YBX3: variants seen among roughly 807,000 people sequenced by gnomAD.
YBX3 encodes Y-box-binding protein 3.
A neutral mutation model predicts 42.4 loss-of-function variants in YBX3; 29 were observed. The ratio of observed to expected loss-of-function variants is 0.68; its 90% CI spans 0.51 to 0.93. The LOEUF (loss-of-function observed/expected upper bound fraction) is 0.93, where lower values mean the gene tolerates loss of function less well. Ranked by LOEUF, YBX3 falls within the 40% of genes least tolerant of loss-of-function variation. YBX3 has a pLI of 0.00. For synonymous variants in YBX3, 195 were observed against 189.8 expected, an observed-to-expected ratio of 1.03 and a Z score of -0.22; for missense variants, 517 against 527.5, an observed-to-expected ratio of 0.98 and a Z score of 0.19.
chr12:10,721,503 AAAC>A (rs1434736108), intron 1 of YBX3, among the ~76,000 whole-genome samples: 2 of 152,220 alleles, frequency 1.3e-5, no homozygotes, highest in African/African-American at 2.4e-5. Context: ...TATTTGCTAG[AAAC>A]AACATCACAA....
At chr12:10,700,471 AC>A (rs1363209335) in intron 9 of YBX3, among the ~76,000 whole-genome samples, 3 of 152,210 alleles carry the variant, frequency 2.0e-5, no homozygotes, top group Non-Finnish European at 2.9e-5. Context: ...TTAAAAAAAA[AC>A]AAACCCAGAA....
chr12:10,712,997 T>C (rs977690027), intron 5 of YBX3: 6 of 567,590 alleles, frequency 1.1e-5, no homozygotes, highest in Admixed American at 3.8e-5. Flanking sequence ...CTTATTCATG[T>C]AACTAATCAC....
intron 3 of YBX3, among the ~76,000 whole-genome samples, chr12:10,717,360 A>T (rs1948274323): frequency 6.6e-6 from 1 of 152,248 alleles, no homozygotes; most frequent in Non-Finnish European, 1.5e-5. Flanking sequence ...CAATTCACTG[A>T]AAACTAAATA....
chr12:10,719,184 A>G, intron 1 of YBX3, 41 bp from the exon 2 acceptor site: 1 of 1,506,424 alleles, frequency 6.6e-7, no homozygotes, highest in South Asian at 1.1e-5. Context: ...TCTGACCTAC[A>G]GAGAGATATA....
intron 3 of YBX3, among the ~76,000 whole-genome samples, chr12:10,717,137 A>C (rs989041096): frequency 2.0e-5 from 3 of 152,236 alleles, no homozygotes; most frequent in Non-Finnish European, 4.4e-5. Context: ...ATATCCAGTC[A>C]AGTAGAAATA....
At chr12:10,722,807 C>T in intron 1 of YBX3, 43 bp downstream of exon 1, 1 of 1,392,446 alleles carries the variant, frequency 7.2e-7, no homozygotes, top group African/African-American at 1.5e-5. Context: ...CCGGCTGGGC[C>T]CGCCCCACTA....
At position 10,702,060 on chromosome 12, in the gene YBX3, C is replaced by T. The variant is rs1948087169; in HGVS notation, c.953G>A (p.Ser318Asn). 6.2e-7 allele frequency: 1 copy of T among 1,614,214 alleles called. No individual in the cohort carries two copies. The highest frequency in any genetic ancestry group is 2.2e-5 in the East Asian group (1 of 44,878). ...GCGAACAGACGGCTGGTTTGGACCA[C>T]TGGTGGCTTGCTGATTTTCTTTATC... ...AEDKENQQATSGPNQPSVRRG... is the reference protein window; with the variant it reads ...AEDKENQQATNGPNQPSVRRG... The change falls in exon 8 of 10, where the codon AGT (serine) becomes AAT (asparagine). Residue 318 changes from serine to asparagine, a missense_variant. By Grantham distance (46) the Ser-to-Asn change is conservative. Transcript: ENST00000228251.
At chr12:10,715,871 G>A in intron 3 of YBX3, 88 bp from the exon 4 acceptor site, 1 of 1,112,480 alleles carries the variant, frequency 9.0e-7, no homozygotes, top group Non-Finnish European at 1.3e-6. Context: ...GAGTGAACTT[G>A]AAGAAACTGT....
At chr12:10,707,047 T>TA (rs1406315028) in intron 6 of YBX3, among the ~76,000 whole-genome samples, 10 of 151,798 alleles carry the variant, frequency 6.6e-5, no homozygotes, top group Non-Finnish European at 1.0e-4. Context: ...AATAAATAAA[T>TA]AATTCCAAAT....
At chr12:10,712,297 G>C (rs1354353490) in intron 5 of YBX3, 1 of 152,188 alleles carries the variant, frequency 6.6e-6, no homozygotes, top group African/African-American at 2.4e-5. Flanking sequence ...CACCAAGAAT[G>C]ATTCAAATCT....
chr12:10,700,088 C>T lies in YBX3; in HGVS notation c.*35-434G>A, dbSNP rs150944754. Among the ~76,000 whole-genome samples the T allele has an allele frequency of 5.0e-3, 760 of 152,142 alleles. 7 individuals carry two copies. Among genetic ancestry groups the T allele is most frequent in the African/African-American group, 0.017 (711 of 41,510 alleles). On this transcript the variant is annotated intron_variant, in intron 9 of 9. Coordinates refer to ENST00000228251, the MANE Select transcript of YBX3 (RefSeq NM_003651.5). ...GAAACAATACCTAGAAATAATGTTA[C>T]GCCATAAAAGGGTATGGCCATTTTT... is the stretch of plus-strand genomic sequence containing the variant.
At chr12:10,718,412 G>A (rs1024693795) in intron 2 of YBX3, 4 of 301,526 alleles carry the variant, frequency 1.3e-5, no homozygotes, top group African/African-American at 2.2e-5. Flanking sequence ...TGTGTAATCA[G>A]AGCCTCAGAT....
chr12:10,707,327 C>A (rs949922049), intron 6 of YBX3, among the ~76,000 whole-genome samples: 2 of 152,144 alleles, frequency 1.3e-5, no homozygotes, highest in Admixed American at 1.3e-4. Context: ...AGAATTTTCA[C>A]CTTTCCCTCC....
chr12:10,717,644 A>G (rs773316360), intron 3 of YBX3: 3 of 152,772 alleles, frequency 2.0e-5, no homozygotes, highest in South Asian at 2.1e-4. Context: ...TCATCTTACT[A>G]TCTGCTTCTC....
Position 10,715,743 on chromosome 12 carries a change from C to T in YBX3, c.401G>A (p.Ser134Asn), listed in dbSNP as rs1339448807. The change falls in exon 4 of 10, where the codon AGT becomes AAT. Residue 134 changes from serine to asparagine, a missense_variant. Transcript: ENST00000228251. ...CTCTACAGTTTCTCCATCTCCTACA[C>T]TGCGCAGATATTTCCGTGGGTTATT... The part of the protein sequence containing the change: ...KKNNPRKYLR[S>N]VGDGETVEFD... 2 of 1,614,108 alleles carry T rather than the reference C, an allele frequency of 1.2e-6. No individual in the cohort carries two copies. The highest frequency in any genetic ancestry group is 1.7e-5 in the Admixed American group (1 of 60,016).
At chr12:10,704,286 C>G (rs1438635012) in intron 6 of YBX3, 138 bp from the exon 7 acceptor site, 1 of 613,282 alleles carries the variant, frequency 1.6e-6, no homozygotes, top group Non-Finnish European at 2.8e-6. Context: ...TCAGTTGCAA[C>G]ACAAACTATT....
chr12:10,713,157 A>C, intron 5 of YBX3, 54 bp downstream of exon 5: 1 of 1,570,460 alleles, frequency 6.4e-7, no homozygotes, highest in Non-Finnish European at 8.6e-7. Flanking sequence ...CATACACTTA[A>C]TTCCATGCAT....
intron 6 of YBX3, among the ~76,000 whole-genome samples, chr12:10,706,043 C>T (rs1228041255): frequency 7.2e-5 from 11 of 152,196 alleles, no homozygotes; most frequent in Admixed American, 7.2e-4. Flanking sequence ...AATGCTGTTA[C>T]TAAGATATCA....
At chr12:10,702,281 G>A (rs1297816779) in intron 7 of YBX3, 147 bp from the exon 8 acceptor site, 3 of 649,776 alleles carry the variant, frequency 4.6e-6, no homozygotes, top group Non-Finnish European at 7.0e-6. Context: ...AGCACTTCAG[G>A]AGGCTGAGGC....
Sources: gnomAD v4.1 joint callset for allele counts (sites outside exome capture counted in the v4.1 genomes callset) on GRCh38, gnomAD v4.1.1 for gene constraint, MANE v1.5 for transcripts, NCBI Gene and HGNC (gene_info 2026-07-23, HGNC 2026-07-21) for gene names.